LYZL2: variants seen among roughly 807,000 people sequenced by gnomAD.
The protein encoded by LYZL2 is lysozyme-like protein 2.
Under a neutral mutation model 17.1 loss-of-function variants are expected in LYZL2, and 13 were observed. The observed-to-expected ratio is 0.76, with a 90% CI of 0.49 to 1.21. The LOEUF (loss-of-function observed/expected upper bound fraction) is 1.21, where lower values mean the gene tolerates loss of function less well. LYZL2 is among the 50% of genes most tolerant of loss of function. The pLI is 0.00. For synonymous variants in LYZL2, 63 were observed against 74.4 expected, an observed-to-expected ratio of 0.85 and a Z score of 0.79; for missense variants, 166 against 189.2, an observed-to-expected ratio of 0.88 and a Z score of 0.72.
intron 3 of LYZL2, among the ~76,000 whole-genome samples, chr10:30,614,581 C>G (rs988495365): frequency 6.6e-6 from 1 of 152,224 alleles, no homozygotes; most frequent in Non-Finnish European, 1.5e-5. Context: ...ACCACAACCA[C>G]CAATCAAGGA....
At chr10:30,628,424 C>T (rs1214271665) in intron 1 of LYZL2, among the ~76,000 whole-genome samples, 1 of 152,140 alleles carries the variant, frequency 6.6e-6, no homozygotes, top group African/African-American at 2.4e-5. Flanking sequence ...CCTGGGGGAG[C>T]AGAGGGACAA....
chr10:30,611,554 G>GGAAA (rs1491268042), downstream of LYZL2, among the ~76,000 whole-genome samples: 7 of 85,434 alleles, frequency 8.2e-5, 1 homozygote, highest in African/African-American at 3.5e-4. Flanking sequence ...AAGGAAGGAA[G>GGAAA]GAAGGAAGGA....
At chr10:30,606,231 A>C in the LYZL2 span, among the ~76,000 whole-genome samples, 1 of 152,154 alleles carries the variant, frequency 6.6e-6, no homozygotes, top group Non-Finnish European at 1.5e-5. Context: ...TTGCTTTTTG[A>C]ACATGCCTTT....
At chr10:30,609,573 C>A (rs968609598), downstream of LYZL2, among the ~76,000 whole-genome samples, 1 of 152,198 alleles carries the variant, frequency 6.6e-6, no homozygotes, top group African/African-American at 2.4e-5. Context: ...TCCCAAGAAC[C>A]AGGCAGAGCT....
rs1250586275 is a variant in LYZL2 at position 30,626,193 on chromosome 10, G to C, written c.210C>G (p.Ile70Met). The C allele has an allele frequency of 6.2e-7, 1 of 1,614,122 alleles. No homozygotes were observed. The highest frequency in any genetic ancestry group is 8.5e-7 in the Non-Finnish European group (1 of 1,180,058). ...TAQTVLDDGS[I>M]DYGIFQINSF... ...TGTTGATCTGGAAGATGCCGTAGTC[G>C]ATGCTGCCGTCATCCAGGACCGTCT... Residue 70 changes from isoleucine (I) to methionine (M), a missense_variant, in exon 3 of 5, where the codon ATC (isoleucine) becomes ATG (methionine). Physicochemically the swap from Ile to Met is conservative, Grantham distance 10. Coordinates refer to ENST00000647634, the MANE Select transcript of LYZL2 (RefSeq NM_183058.3).
intron 2 of LYZL2, 101 bp downstream of exon 2, chr10:30,626,676 A>T (rs1327086768): frequency 6.4e-7 from 1 of 1,558,780 alleles, no homozygotes; most frequent in East Asian, 2.2e-5. Context: ...AGGGCAGAGC[A>T]GGGGTAGTTG....
At position 30,626,887 on chromosome 10, in the gene LYZL2, A is replaced by G. The variant is rs9943351; in HGVS notation, c.29T>C (p.Ile10Thr). Residue 10 changes from isoleucine (I) to threonine (T), a missense_variant, in exon 2 of 5, where the codon ATT becomes ACT. Transcript: ENST00000647634. MKAAGILTL[I>T]GCLVTGAESK... ...CTCGGCGCCTGTGACCAGGCAGCCA[A>G]TGAGGGTCAGAATGCCCGCAGCCTT... 4,224 of 1,614,036 alleles carry G rather than the reference A, an allele frequency of 2.6e-3. 57 individuals are homozygous for G. In the African/African-American group the frequency reaches 0.05, roughly 19 times the overall value.
chr10:30,626,726 C>T (rs747243789), intron 2 of LYZL2, 51 bp downstream of exon 2: 2 of 1,609,444 alleles, frequency 1.2e-6, no homozygotes, highest in Admixed American at 1.7e-5. Flanking sequence ...CCTTCAACAT[C>T]TCAGGGGAAA....
intron 3 of LYZL2, among the ~76,000 whole-genome samples, chr10:30,621,631 G>A (rs1311455232): frequency 2.6e-5 from 4 of 152,070 alleles, no homozygotes; most frequent in Non-Finnish European, 4.4e-5. Flanking sequence ...AGAACTGTCA[G>A]CCCAGAATTT....
chr10:30,608,946 C>G (rs763216618), downstream of LYZL2, among the ~76,000 whole-genome samples: 3 of 151,972 alleles, frequency 2.0e-5, no homozygotes, highest in Non-Finnish European at 2.9e-5. Context: ...CTCAAGCGAC[C>G]CTCCCACCTC....
At chr10:30,628,553 A>G (rs558739685) in intron 1 of LYZL2, among the ~76,000 whole-genome samples, 44 of 152,322 alleles carry the variant, frequency 2.9e-4, no homozygotes, top group African/African-American at 1.1e-3. Context: ...CCCAAACACA[A>G]CAGCCTTGCT....
intron 3 of LYZL2, among the ~76,000 whole-genome samples, chr10:30,614,185 G>A (rs1362983707): frequency 6.6e-6 from 1 of 152,308 alleles, no homozygotes; most frequent in Non-Finnish European, 1.5e-5. Flanking sequence ...TGCAAGTTGA[G>A]TCCTCCAGGA....
At chr10:30,622,332 G>C (rs957531735) in intron 3 of LYZL2, among the ~76,000 whole-genome samples, 1 of 152,028 alleles carries the variant, frequency 6.6e-6, no homozygotes, top group African/African-American at 2.4e-5. Flanking sequence ...AGATCACAAG[G>C]TCAGGAGATC....
chr10:30,608,945 C>T (rs1336050245), downstream of LYZL2, among the ~76,000 whole-genome samples: 2 of 151,978 alleles, frequency 1.3e-5, no homozygotes, highest in Non-Finnish European at 2.9e-5. Context: ...GCTCAAGCGA[C>T]CCTCCCACCT....
chr10:30,622,479 G>A (rs751129642), intron 3 of LYZL2, among the ~76,000 whole-genome samples: 1 of 151,218 alleles, frequency 6.6e-6, no homozygotes, highest in Non-Finnish European at 1.5e-5. Context: ...AACCCAGGAG[G>A]CAGAGGGTGC....
chr10:30,611,676 AAAGG>A (rs1295965241), downstream of LYZL2: 44 of 366,634 alleles, frequency 1.2e-4, no homozygotes, highest in East Asian at 1.4e-3. Context: ...AGAGAGAAAG[AAAGG>A]AAGGAAGGAA....
rs543659876 is a variant in LYZL2, at chr10:30,622,877, G to A, written c.298+3228C>T. Among the ~76,000 whole-genome samples the A allele has an allele frequency of 6.2e-4, 94 of 152,286 alleles. 1 individual carries two copies. Among genetic ancestry groups the A allele is most frequent in the Admixed American group, 5.7e-3 (87 of 15,294 alleles). On this transcript the variant is annotated intron_variant, in intron 3 of 4. Coordinates refer to ENST00000647634, the MANE Select transcript of LYZL2 (RefSeq NM_183058.3). ...AGTAATTACCAGAATGGATATAAAAGCAACACATAACTCTACATGACTTAT... is the reference window on the plus strand; with the variant it reads ...AGTAATTACCAGAATGGATATAAAAACAACACATAACTCTACATGACTTAT...
chr10:30,627,210 C>T lies in LYZL2; in HGVS notation c.-25-270G>A, dbSNP rs1310360270. Among the ~76,000 whole-genome samples, 6 of 152,024 alleles carry T rather than the reference C, an allele frequency of 3.9e-5. No individual in the cohort carries two copies. The East Asian group carries it at 1.2e-3, about 29-fold the overall frequency. Reference sequence around the variant, plus strand: ...AAATTAACCTTCCTTAATACACATCCAGGTGAAAACCACAAGGGGCATTTT... The same window carrying T: ...AAATTAACCTTCCTTAATACACATCTAGGTGAAAACCACAAGGGGCATTTT... On this transcript the variant is annotated intron_variant, in intron 1 of 4. Transcript: ENST00000647634.
Position 30,626,858 on chromosome 10 carries a change from T to G in LYZL2, c.58A>C (p.Lys20Gln). 1 of 1,613,020 alleles carries G rather than the reference T, an allele frequency of 6.2e-7. No individual in the cohort carries two copies. Among genetic ancestry groups the G allele is most frequent in the East Asian group, 2.2e-5 (1 of 44,758 alleles). Residue 20 changes from lysine to glutamine, a missense_variant, in exon 2 of 5, where the codon AAA (lysine) becomes CAA (glutamine). This residue lies in a region of LYZL2 where 32 missense variants were observed against 59.8 expected (regional missense o/e 0.53). Coordinates refer to ENST00000647634, the MANE Select transcript of LYZL2 (RefSeq NM_183058.3). ...IGCLVTGAESKIYTRCKLAKI... is the reference protein window; with the variant it reads ...IGCLVTGAESQIYTRCKLAKI... ...GCCAGTTTGCAACGAGTGTAGATTTTGGACTCGGCGCCTGTGACCAGGCAG... is the reference window on the plus strand; with the variant it reads ...GCCAGTTTGCAACGAGTGTAGATTTGGGACTCGGCGCCTGTGACCAGGCAG...
Sources: gnomAD v4.1 joint callset for allele counts (sites outside exome capture counted in the v4.1 genomes callset) on GRCh38, gnomAD v4.1.1 for gene constraint, gnomAD v4.1.1 regional missense constraint, MANE v1.5 for transcripts, NCBI Gene and HGNC (gene_info 2026-07-23, HGNC 2026-07-21) for gene names.